The following GPC6 variants were observed in gnomAD, a reference collection of about 807,000 sequenced individuals.
The protein encoded by GPC6 is glypican 6.
In GPC6, 14 loss-of-function variants were observed where a neutral mutation model predicts 55.2. That is an observed-to-expected ratio of 0.25 (90% confidence interval 0.17 to 0.40). GPC6 has a LOEUF of 0.40. Among genes scored for constraint, GPC6 ranks in the 10% least tolerant of loss-of-function variants. The pLI is 1.00. For synonymous variants in GPC6, 278 were observed against 259.6 expected (o/e 1.07, Z -0.68); for missense variants, 641 against 708.5 (o/e 0.90, Z 1.08).
chr13:93,591,154 C>CAG (rs1877450639), intron 2 of GPC6, among the ~76,000 whole-genome samples: 1 of 67,058 alleles, frequency 1.5e-5, no homozygotes, highest in African/African-American at 4.0e-5. Context: ...TCTAATAAAG[C>CAG]AAAAGAAAAA....
At chr13:93,878,385 C>T (rs531447292) in intron 3 of GPC6, among the ~76,000 whole-genome samples, 1 of 151,976 alleles carries the variant, frequency 6.6e-6, no homozygotes, top group Non-Finnish European at 1.5e-5. Flanking sequence ...TCTTACCTTT[C>T]AGACTCTTTT....
At chr13:93,479,545 A>T (rs1879420922) in intron 1 of GPC6, among the ~76,000 whole-genome samples, 1 of 151,956 alleles carries the variant, frequency 6.6e-6, no homozygotes, top group African/African-American at 2.4e-5. Context: ...GCACTTTGGG[A>T]GGCCAAGGCG....
At chr13:94,091,896 G>A (rs1404253789) in intron 4 of GPC6, among the ~76,000 whole-genome samples, 3 of 74,010 alleles carry the variant, frequency 4.1e-5, no homozygotes, top group Middle Eastern at 5.7e-3. Flanking sequence ...ATCAAATTCT[G>A]TGTGTGTGTG....
intron 3 of GPC6, among the ~76,000 whole-genome samples, chr13:93,849,437 C>T (rs1009994831): frequency 2.6e-5 from 4 of 151,930 alleles, no homozygotes; most frequent in East Asian, 1.9e-4. Context: ...ATATCCAGCT[C>T]GAAAGACATT....
intron 1 of GPC6, among the ~76,000 whole-genome samples, chr13:93,427,108 G>C (rs1357340330): frequency 2.0e-5 from 3 of 148,176 alleles, no homozygotes; most frequent in African/African-American, 7.4e-5. Context: ...TTGTAAATTT[G>C]TTTGAGTTCA....
chr13:93,694,172 CCT>C (rs1284565177), intron 2 of GPC6, among the ~76,000 whole-genome samples: 1 of 152,174 alleles, frequency 6.6e-6, no homozygotes, highest in Non-Finnish European at 1.5e-5. Flanking sequence ...TGCAACATTC[CCT>C]GTTAAGAACT....
intron 2 of GPC6, among the ~76,000 whole-genome samples, chr13:93,622,374 G>A (rs1221831046): frequency 6.6e-6 from 1 of 152,034 alleles, no homozygotes; most frequent in East Asian, 1.9e-4. Flanking sequence ...ATTCCATTGT[G>A]TATACATGCC....
chr13:94,296,358 A>G (rs41373448), intron 5 of GPC6, among the ~76,000 whole-genome samples: 5,124 of 152,306 alleles, frequency 0.034, 222 homozygotes, highest in East Asian at 0.18. Context: ...CTACTCAAGA[A>G]TAAATGATTG....
At chr13:93,886,295 C>A (rs1436511705) in intron 3 of GPC6, among the ~76,000 whole-genome samples, 2 of 151,892 alleles carry the variant, frequency 1.3e-5, no homozygotes, top group Non-Finnish European at 2.9e-5. Context: ...CCCAAAAAAT[C>A]CAAGCTAGGA....
chr13:94,128,881 A>G (rs1167359795), intron 4 of GPC6, among the ~76,000 whole-genome samples: 3 of 152,054 alleles, frequency 2.0e-5, no homozygotes, highest in Admixed American at 6.6e-5. Context: ...TTTATTTTAG[A>G]TCCCATTCTT....
At chr13:93,415,645 T>G (rs941481805) in intron 1 of GPC6, among the ~76,000 whole-genome samples, 1 of 152,090 alleles carries the variant, frequency 6.6e-6, no homozygotes, top group Non-Finnish European at 1.5e-5. Context: ...ACCAATACAG[T>G]GTTTGTTGTT....
At chr13:93,408,002 T>C (rs569915756) in intron 1 of GPC6, among the ~76,000 whole-genome samples, 1 of 152,300 alleles carries the variant, frequency 6.6e-6, no homozygotes, top group East Asian at 1.9e-4. Flanking sequence ...TACAGGATTA[T>C]GTGCAAGGTT....
At chr13:93,252,953 A>C (rs1876835462) in intron 1 of GPC6, among the ~76,000 whole-genome samples, 1 of 152,246 alleles carries the variant, frequency 6.6e-6, no homozygotes, top group African/African-American at 2.4e-5. Context: ...AAGCCAATGG[A>C]AATCAGTTTG....
chr13:93,859,115 C>A (rs984924037), intron 3 of GPC6, among the ~76,000 whole-genome samples: 2 of 151,476 alleles, frequency 1.3e-5, no homozygotes, highest in African/African-American at 4.8e-5. Context: ...AGTAACATTA[C>A]CCAGCTAGCA....
At chr13:93,411,496 G>A (rs188058336) in intron 1 of GPC6, among the ~76,000 whole-genome samples, 53 of 152,266 alleles carry the variant, frequency 3.5e-4, no homozygotes, top group Non-Finnish European at 5.4e-4. Context: ...ACATAAGTGC[G>A]CAGATAAGAA....
chr13:93,832,089 C>CA (rs71207433), intron 3 of GPC6, among the ~76,000 whole-genome samples: 2 of 8,536 alleles, frequency 2.3e-4, no homozygotes, highest in Non-Finnish European at 3.8e-4. Flanking sequence ...GACTCCAACT[C>CA]AAAAAAAAAA....
chr13:93,901,014 T>C (rs1040356100), intron 3 of GPC6, among the ~76,000 whole-genome samples: 1 of 152,130 alleles, frequency 6.6e-6, no homozygotes, highest in Non-Finnish European at 1.5e-5. Flanking sequence ...TTTCTAAAAT[T>C]CCTACTCTAA....
At chr13:93,638,619 C>A (rs1267369399) in intron 2 of GPC6, among the ~76,000 whole-genome samples, 1 of 152,012 alleles carries the variant, frequency 6.6e-6, no homozygotes, top group Non-Finnish European at 1.5e-5. Flanking sequence ...CCTTTTATTG[C>A]CATCTGTGTC....
intron 5 of GPC6, among the ~76,000 whole-genome samples, chr13:94,290,721 T>C (rs1874915568): frequency 6.6e-6 from 1 of 152,180 alleles, no homozygotes; most frequent in South Asian, 2.1e-4. Flanking sequence ...TTAACTATAG[T>C]TTAGGTCAAG....
Sources: gnomAD v4.1 joint callset for allele counts (sites outside exome capture counted in the v4.1 genomes callset) on GRCh38, gnomAD v4.1.1 for gene constraint, MANE v1.5 for transcripts, NCBI Gene and HGNC (gene_info 2026-07-23, HGNC 2026-07-21) for gene names.